The following PCDH11X variants were observed in gnomAD, a reference collection of about 807,000 sequenced individuals.
The protein encoded by PCDH11X is protocadherin-11 X-linked.
Under a neutral mutation model 53.3 loss-of-function variants are expected in PCDH11X, and 18 were observed. The observed-to-expected ratio is 0.34, with a 90% CI of 0.23 to 0.50. The LOEUF is 0.50. PCDH11X is among the 20% of genes least tolerant of loss of function. The pLI is 0.98. For synonymous variants in PCDH11X, 279 were observed against 393.3 expected, an observed-to-expected ratio of 0.71 and a Z score of 3.44; for missense variants, 570 against 1,032.4, an observed-to-expected ratio of 0.55 and a Z score of 6.14.
chrX:91,894,598 A>G (rs200931267), intron 6 of PCDH11X, among the ~76,000 whole-genome samples: 1 of 111,500 alleles, frequency 9.0e-6, no homozygotes, highest in Non-Finnish European at 1.9e-5. Context: ...AAACAATTAT[A>G]TCTAAAATGA....
intron 6 of PCDH11X, among the ~76,000 whole-genome samples, chrX:92,043,928 G>A (rs944353631): frequency 2.7e-5 from 3 of 109,679 alleles, no homozygotes; most frequent in African/African-American, 9.9e-5. Flanking sequence ...ATAATCTTGC[G>A]AGGCTGAAAT....
intron 8 of PCDH11X, among the ~76,000 whole-genome samples, chrX:92,289,291 T>C (rs1051849399): frequency 5.4e-5 from 6 of 111,313 alleles, no homozygotes; most frequent in African/African-American, 2.0e-4. Context: ...ATATATCTAC[T>C]GTCTTCTCAA....
intron 8 of PCDH11X, among the ~76,000 whole-genome samples, chrX:92,300,546 C>T (rs900495973): frequency 8.1e-5 from 9 of 111,200 alleles, no homozygotes; most frequent in African/African-American, 2.3e-4. Flanking sequence ...GACACGATCT[C>T]GGCTCACTGC....
intron 9 of PCDH11X, among the ~76,000 whole-genome samples, chrX:92,398,990 A>C (rs910467711): frequency 7.3e-5 from 8 of 109,475 alleles, no homozygotes; most frequent in African/African-American, 2.7e-4. Context: ...CAGGAGATTG[A>C]GACCATCCTG....
intron 1 of PCDH11X, among the ~76,000 whole-genome samples, chrX:91,795,211 T>C (rs2147528120): frequency 8.9e-6 from 1 of 112,165 alleles, no homozygotes; most frequent in South Asian, 3.7e-4. Context: ...ACACAAATAC[T>C]GTTTAACTAT....
At chrX:92,331,298 T>C (rs2069470818) in intron 8 of PCDH11X, among the ~76,000 whole-genome samples, 1 of 90,431 alleles carries the variant, frequency 1.1e-5, no homozygotes, top group Admixed American at 1.4e-4. Flanking sequence ...CTTCTTCTTC[T>C]TCTTCTTCTT....
At chrX:92,193,985 GC>G (rs2066246944) in intron 6 of PCDH11X, among the ~76,000 whole-genome samples, 1 of 111,878 alleles carries the variant, frequency 8.9e-6, no homozygotes, top group Non-Finnish European at 1.9e-5. Context: ...TGCATTCATA[GC>G]CATCTTTAAA....
chrX:92,173,985 A>C (rs922760001), intron 6 of PCDH11X, among the ~76,000 whole-genome samples: 147 of 2,969 alleles, frequency 0.05, 27 homozygotes, highest in Non-Finnish European at 0.24. Flanking sequence ...ACCCAGTCTC[A>C]AAAAAAAAAA....
chrX:92,227,342 C>T (rs954256717), intron 7 of PCDH11X, among the ~76,000 whole-genome samples: 1 of 110,529 alleles, frequency 9.0e-6, no homozygotes, highest in African/African-American at 3.3e-5. Context: ...ATAAACTTAA[C>T]GCAAATTTCA....
chrX:91,800,021 G>A lies in PCDH11X; in HGVS notation c.-378-9445G>A, dbSNP rs574870911. ...CAAGAATCGCTTGAACCCGGGAGGC[G>A]GAGGTTGCAGTGAGCCGAGACCGCG... On this transcript the variant is annotated intron_variant, in intron 1 of 10. Transcript: ENST00000682573. 5.3e-5 allele frequency among the ~76,000 whole-genome samples: 6 copies of A among 112,505 alleles called. No individual in the cohort carries two copies. The South Asian group carries it at 2.2e-3, about 41-fold the overall frequency.
chrX:92,181,624 T>G (rs2065999383), intron 6 of PCDH11X, among the ~76,000 whole-genome samples: 1 of 111,874 alleles, frequency 8.9e-6, no homozygotes, highest in Non-Finnish European at 1.9e-5. Flanking sequence ...CCCTCTGCTA[T>G]GTGCAGTCTA....
intron 10 of PCDH11X, among the ~76,000 whole-genome samples, chrX:92,607,921 A>C (rs1926989291): frequency 9.0e-6 from 1 of 111,342 alleles, no homozygotes; most frequent in Non-Finnish European, 1.9e-5. Context: ...ATAATTGTGC[A>C]AAAAATATAG....
intron 4 of PCDH11X, among the ~76,000 whole-genome samples, chrX:91,824,907 G>T (rs1936849296): frequency 9.3e-6 from 1 of 107,265 alleles, no homozygotes; most frequent in Admixed American, 9.7e-5. Context: ...AGGACCCTCA[G>T]CTGCAGGTCT....
chrX:91,980,972 T>TATAC (rs1210365225), intron 6 of PCDH11X, among the ~76,000 whole-genome samples: 10 of 87,451 alleles, frequency 1.1e-4, no homozygotes, highest in African/African-American at 4.6e-4. Context: ...TATATATATA[T>TATAC]ACACTGAATA....
At chrX:92,271,240 A>G (rs1308058136) in intron 8 of PCDH11X, among the ~76,000 whole-genome samples, 1 of 112,031 alleles carries the variant, frequency 8.9e-6, no homozygotes, top group African/African-American at 3.2e-5. Flanking sequence ...ACAAAACGGT[A>G]ACTTCTCAGA....
chrX:92,466,699 T>C (rs961252183), intron 9 of PCDH11X, among the ~76,000 whole-genome samples: 6 of 110,366 alleles, frequency 5.4e-5, no homozygotes, highest in African/African-American at 2.0e-4. Context: ...ATGTGTTTGT[T>C]TTCTTTTTTA....
At chrX:92,490,355 G>A (rs897859652) in intron 10 of PCDH11X, among the ~76,000 whole-genome samples, 9 of 111,112 alleles carry the variant, frequency 8.1e-5, no homozygotes, top group African/African-American at 2.3e-4. Context: ...TTCCCTTTAC[G>A]TCACATATTC....
rs35914983 is a variant in PCDH11X at position 91,807,270 on chromosome X, C to T, written c.-378-2196C>T. ...TGAGGTAGGAGGATTGGTCAAGCCC[C>T]GGAGTTGGAGGCTGTAGTGAGCTAT... On this transcript the variant is annotated intron_variant, in intron 1 of 10. Transcript: ENST00000682573. Among the ~76,000 whole-genome samples, 344 of 110,253 alleles carry T rather than the reference C, an allele frequency of 3.1e-3. 1 individual carries two copies. The highest frequency in any genetic ancestry group is 5.6e-3 in the Non-Finnish European group (297 of 52,834).
chrX:92,382,340 T>G (rs768411649), intron 8 of PCDH11X, among the ~76,000 whole-genome samples: 1 of 111,156 alleles, frequency 9.0e-6, no homozygotes, highest in Non-Finnish European at 1.9e-5. Context: ...TTTGAACTCA[T>G]GGCGTGTGCA....
Sources: allele counts gnomAD v4.1 joint callset (sites outside exome capture counted in the v4.1 genomes callset), GRCh38; gene constraint gnomAD v4.1.1; transcripts MANE v1.5; gene names NCBI Gene and HGNC (gene_info 2026-07-23, HGNC 2026-07-21).